DUSP28: variants seen among roughly 807,000 people sequenced by gnomAD.
DUSP28 encodes the protein dual specificity phosphatase 28.
In DUSP28, 11 loss-of-function variants were observed where a neutral mutation model predicts 8.4. The observed-to-expected ratio is 1.31, with a 90% CI of 0.83 to 2.17. The LOEUF (loss-of-function observed/expected upper bound fraction) is 2.17. Ranked by LOEUF, DUSP28 falls within the 30% of genes most tolerant of loss-of-function variation. The pLI is 0.00. For missense variants in DUSP28, 373 were observed against 270.4 expected (o/e 1.38, Z -2.66); for synonymous variants, 178 against 130.9 (o/e 1.36, Z -2.46).
In DUSP28 at chr2:240,561,597, A is replaced by T; in HGVS notation, c.*130A>T. On this transcript the variant is annotated 3_prime_UTR_variant, in exon 2 of 2. Transcript: ENST00000405954. ...GTGTGTGTGAAACATAGTGCTTTTAATTTTATATTTCCGGCTGAGGTGATG... is the reference window on the plus strand; with the variant it reads ...GTGTGTGTGAAACATAGTGCTTTTATTTTTATATTTCCGGCTGAGGTGATG... 8.2e-7 allele frequency: 1 copy of T among 1,220,534 alleles called. No homozygotes were observed. The highest frequency in any genetic ancestry group is 1.1e-6 in the Non-Finnish European group (1 of 926,060). The allele number at this position is 1,220,534 out of a possible 1,614,324, so 75.6% of individuals were successfully genotyped here.
chr2:240,564,476 C>G lies in DUSP28; in HGVS notation c.*3009C>G, dbSNP rs2092996260. On this transcript the variant is annotated 3_prime_UTR_variant, in exon 2 of 2. Transcript: ENST00000405954. Reference sequence around the variant, plus strand: ...GGGTCTGCGCATCAGACCACATGGACCCCTGCACCACCATCTGCTCCGTCC... The same window carrying G: ...GGGTCTGCGCATCAGACCACATGGAGCCCTGCACCACCATCTGCTCCGTCC... Among the ~76,000 whole-genome samples the G allele has an allele frequency of 6.6e-6, 1 of 152,254 alleles. No homozygotes were observed. The highest frequency in any genetic ancestry group is 2.1e-4 in the South Asian group (1 of 4,836).
Position 240,560,523 on chromosome 2 carries a change from G to A in DUSP28, c.-162G>A. Reference sequence around the variant, plus strand: ...CCCAAGCCCCCTGTCCCGGCCCAGCGCCCGCGGGGGACCCAAGCCCCAGCC... The same window carrying A: ...CCCAAGCCCCCTGTCCCGGCCCAGCACCCGCGGGGGACCCAAGCCCCAGCC... On this transcript the variant is annotated 5_prime_UTR_variant, in exon 1 of 2. Coordinates refer to ENST00000405954, the MANE Select transcript of DUSP28 (RefSeq NM_001370465.2). 9.0e-7 allele frequency: 1 copy of A among 1,106,678 alleles called. No homozygotes were observed. Among genetic ancestry groups the A allele is most frequent in the Non-Finnish European group, 1.2e-6 (1 of 858,002 alleles). 68.6% of individuals were successfully genotyped at this position (1,106,678 alleles called of 1,614,324 possible).
chr2:240,561,558 T>C lies in DUSP28; in HGVS notation c.*91T>C. Reference sequence around the variant, plus strand: ...CTTCTTCCTCACTGTCATATCGAGTTTTCCTTTGTGTGTGTGTGTGTGAAA... The same window carrying C: ...CTTCTTCCTCACTGTCATATCGAGTCTTCCTTTGTGTGTGTGTGTGTGAAA... On this transcript the variant is annotated 3_prime_UTR_variant, in exon 2 of 2. Coordinates refer to ENST00000405954, the MANE Select transcript of DUSP28 (RefSeq NM_001370465.2). 6.8e-7 allele frequency: 1 copy of C among 1,469,264 alleles called. No individual in the cohort carries two copies. Among genetic ancestry groups the C allele is most frequent in the South Asian group, 1.3e-5 (1 of 74,870 alleles). The allele number at this position is 1,469,264 out of a possible 1,614,324, so 91.0% of individuals were successfully genotyped here.
Position 240,560,509 on chromosome 2 carries a change from T to A in DUSP28, c.-176T>A, listed in dbSNP as rs1440750540. 1.0e-6 allele frequency: 1 copy of A among 1,001,778 alleles called. No individual in the cohort carries two copies. Among genetic ancestry groups the A allele is most frequent in the Non-Finnish European group, 1.3e-6 (1 of 762,062 alleles). The allele number at this position is 1,001,778 out of a possible 1,614,324, so 62.1% of individuals were successfully genotyped here. A position where few individuals can be genotyped will look rare whatever the true frequency, so the allele number is the denominator to read the frequency against. On this transcript the variant is annotated 5_prime_UTR_variant, in exon 1 of 2. Coordinates refer to ENST00000405954, the MANE Select transcript of DUSP28 (RefSeq NM_001370465.2). The stretch of plus-strand genomic sequence containing the variant: ...CGGCCCCAACGAGACCCAAGCCCCC[T>A]GTCCCGGCCCAGCGCCCGCGGGGGA...
rs2092926563 is a variant in DUSP28 at position 240,560,915 on chromosome 2, C to T, written c.231C>T (p.Asp77=). Residue 77 remains aspartate (D), a synonymous_variant, in exon 1 of 2, where the codon GAC becomes GAT. Transcript: ENST00000405954. ...RVPVFDDPAE[D]LLAHLEPTCA... ...CCGTGTTCGACGACCCGGCTGAGGA[C>T]CTGCTGGCGCACCTGGAGCCCACGT... 1.3e-6 allele frequency: 2 copies of T among 1,535,314 alleles called. No individual in the cohort carries two copies. The highest frequency in any genetic ancestry group is 4.0e-5 in the Admixed American group (2 of 50,134).
chr2:240,560,675 G>A lies in DUSP28; in HGVS notation c.-10G>A, dbSNP rs2092902488. On this transcript the variant is annotated 5_prime_UTR_variant, in exon 1 of 2. Coordinates refer to ENST00000405954, the MANE Select transcript of DUSP28 (RefSeq NM_001370465.2). Reference sequence around the variant, plus strand: ...CTCAGGGCCCAAAAGCAGACTCTTCGGCGGGCGCCATGGGACCGGCAGAAG... The same window carrying A: ...CTCAGGGCCCAAAAGCAGACTCTTCAGCGGGCGCCATGGGACCGGCAGAAG... 6.6e-7 allele frequency: 1 copy of A among 1,510,672 alleles called. No homozygotes were observed. Among genetic ancestry groups the A allele is most frequent in the East Asian group, 2.7e-5 (1 of 36,862 alleles). 93.6% of individuals were successfully genotyped at this position (1,510,672 alleles called of 1,614,324 possible).
Position 240,564,415 on chromosome 2 carries a change from C to G in DUSP28, c.*2948C>G, listed in dbSNP as rs1339406062. Among the ~76,000 whole-genome samples the G allele has an allele frequency of 6.6e-6, 1 of 152,246 alleles. No homozygotes were observed. The highest frequency in any genetic ancestry group is 1.5e-5 in the Non-Finnish European group (1 of 68,052). ...AGCCCCATCTTCCGGAAATGCAGCT[C>G]CAGAGGGTCTCTGTCCCCTCTTGCT... On this transcript the variant is annotated 3_prime_UTR_variant, in exon 2 of 2. Transcript: ENST00000405954.
rs1424492926 is a variant in DUSP28 at position 240,564,829 on chromosome 2, G to T, written c.*3362G>T. Among the ~76,000 whole-genome samples, 1 of 152,224 alleles carries T rather than the reference G, an allele frequency of 6.6e-6. No homozygotes were observed. The highest frequency in any genetic ancestry group is 1.5e-5 in the Non-Finnish European group (1 of 68,040). Reference sequence around the variant, plus strand: ...TGGGAAGCCCCTCCTGTGACAGGCAGGGGAGAAGGAGGCTGTGCTGACAGA... The same window carrying T: ...TGGGAAGCCCCTCCTGTGACAGGCATGGGAGAAGGAGGCTGTGCTGACAGA... On this transcript the variant is annotated 3_prime_UTR_variant, in exon 2 of 2. Transcript: ENST00000405954.
rs933196842 is a variant in DUSP28, at chr2:240,561,020, C to T, written c.336C>T (p.Ala112=). Reference sequence around the variant, plus strand: ...AGAACGGCCGCAGCCGCTCGGCCGCCGTCTGCACCGCGTACCTCATGCGGC... The same window carrying T: ...AGAACGGCCGCAGCCGCTCGGCCGCTGTCTGCACCGCGTACCTCATGCGGC... The part of the protein sequence containing the change: ...YCKNGRSRSA[A]VCTAYLMRHR... The change falls in exon 1 of 2, where the codon GCC becomes GCT. Residue 112 remains alanine (A), a synonymous_variant. Coordinates refer to ENST00000405954, the MANE Select transcript of DUSP28 (RefSeq NM_001370465.2). 5 of 1,536,636 alleles carry T rather than the reference C, an allele frequency of 3.3e-6. No individual in the cohort carries two copies. Among genetic ancestry groups the T allele is most frequent in the African/African-American group, 1.4e-5 (1 of 72,298 alleles).
chr2:240,561,950 T>A lies in DUSP28; in HGVS notation c.*483T>A, dbSNP rs1220706840. ...CGTGGGACATTTAGATCAAGAAAGC[T>A]GTTGATGAAGACATTGTTGAAGGGC... On this transcript the variant is annotated 3_prime_UTR_variant, in exon 2 of 2. Transcript: ENST00000405954. 6.5e-6 allele frequency: 1 copy of A among 153,806 alleles called. No individual in the cohort carries two copies. The highest frequency in any genetic ancestry group is 1.5e-5 in the Non-Finnish European group (1 of 68,834). 9.5% of individuals were successfully genotyped at this position (153,806 alleles called of 1,614,324 possible).
Position 240,561,029 on chromosome 2 carries a change from C to G in DUSP28, c.345C>G (p.Thr115=), listed in dbSNP as rs1417229730. The part of the protein sequence containing the change: ...NGRSRSAAVC[T]AYLMRHRGLS... ...GCAGCCGCTCGGCCGCCGTCTGCACCGCGTACCTCATGCGGCACCGCGGCC... is the reference window on the plus strand; with the variant it reads ...GCAGCCGCTCGGCCGCCGTCTGCACGGCGTACCTCATGCGGCACCGCGGCC... The change falls in exon 1 of 2, where the codon ACC becomes ACG. Residue 115 remains threonine, a synonymous_variant. Coordinates refer to ENST00000405954, the MANE Select transcript of DUSP28 (RefSeq NM_001370465.2). 2 of 1,534,220 alleles carry G rather than the reference C, an allele frequency of 1.3e-6. No individual in the cohort carries two copies. The highest frequency in any genetic ancestry group is 1.7e-6 in the Non-Finnish European group (2 of 1,151,692).
At chr2:240,561,167 C>G in intron 1 of DUSP28, 90 bp downstream of exon 1, 1 of 1,487,706 alleles carries the variant, frequency 6.7e-7, no homozygotes, top group Middle Eastern at 2.5e-4. Context: ...GGGATTGGGA[C>G]AGGCACTTCC....
Position 240,561,416 on chromosome 2 carries a change from G to C in DUSP28, c.480G>C (p.Gln160His), listed in dbSNP as rs1403256949. The change falls in exon 2 of 2, where the codon CAG becomes CAC. Residue 160 changes from glutamine (Q) to histidine (H), a missense_variant. By Grantham distance (24) the Gln-to-His change is conservative (BLOSUM62 0). Transcript: ENST00000405954. Reference sequence around the variant, plus strand: ...AGTATGAGGAGGCCCTCCAGGCCCAGTCCTGCCTGCAGGGAGAGCCCCCAG... The same window carrying C: ...AGTATGAGGAGGCCCTCCAGGCCCACTCCTGCCTGCAGGGAGAGCCCCCAG... ...LQKYEEALQAQSCLQGEPPAL... is the reference protein window; with the variant it reads ...LQKYEEALQAHSCLQGEPPAL... 6.2e-7 allele frequency: 1 copy of C among 1,613,646 alleles called. No homozygotes were observed. Among genetic ancestry groups the C allele is most frequent in the African/African-American group, 1.3e-5 (1 of 74,946 alleles).
chr2:240,561,083 C>A lies in DUSP28; in HGVS notation c.393+6C>A, dbSNP rs756146137. On this transcript the variant is annotated splice_donor_region_variant and intron_variant, in intron 1 of 1. Transcript: ENST00000405954. ...GCCTGGCGAAGGCCTTCCAGGTGGGCGGGCCTTTAGGGGGGCGGTGTTTCG... is the reference window on the plus strand; with the variant it reads ...GCCTGGCGAAGGCCTTCCAGGTGGGAGGGCCTTTAGGGGGGCGGTGTTTCG... The A allele has an allele frequency of 2.7e-6, 4 of 1,477,872 alleles. No individual in the cohort carries two copies. Among genetic ancestry groups the A allele is most frequent in the Non-Finnish European group, 3.6e-6 (4 of 1,123,590 alleles). The allele number at this position is 1,477,872 out of a possible 1,614,324, so 91.5% of individuals were successfully genotyped here. A position where few individuals can be genotyped will look rare whatever the true frequency, so the allele number is the denominator to read the frequency against.
rs1480968380 is a variant in DUSP28, at chr2:240,564,860, T to C, written c.*3393T>C. The stretch of plus-strand genomic sequence containing the variant: ...AAGGAGGCTGTGCTGACAGACGGCC[T>C]GGTGAGGGAACCCGGGAGGCCTCCA... On this transcript the variant is annotated 3_prime_UTR_variant, in exon 2 of 2. Coordinates refer to ENST00000405954, the MANE Select transcript of DUSP28 (RefSeq NM_001370465.2). 6.6e-6 allele frequency among the ~76,000 whole-genome samples: 1 copy of C among 152,206 alleles called. No individual in the cohort carries two copies.
In DUSP28 at chr2:240,560,950, T is replaced by A. The variant is rs1354648614; in HGVS notation, c.266T>A (p.Met89Lys). The A allele has an allele frequency of 6.5e-7, 1 of 1,527,492 alleles. No individual in the cohort carries two copies. The highest frequency in any genetic ancestry group is 1.2e-5 in the South Asian group (1 of 83,580). 94.6% of individuals were successfully genotyped at this position (1,527,492 alleles called of 1,614,324 possible). A position where few individuals can be genotyped will look rare whatever the true frequency, so the allele number is the denominator to read the frequency against. ...LAHLEPTCAA[M>K]EAAVRAGGAC... is the part of the protein sequence containing the mutation. ...CACCTGGAGCCCACGTGCGCCGCCATGGAGGCCGCGGTGCGCGCCGGCGGC... is the reference window on the plus strand; with the variant it reads ...CACCTGGAGCCCACGTGCGCCGCCAAGGAGGCCGCGGTGCGCGCCGGCGGC... Residue 89 changes from methionine (M) to lysine (K), a missense_variant, in exon 1 of 2, where the codon ATG (methionine) becomes AAG (lysine). By Grantham distance (95) the Met-to-Lys change is moderately conservative. Transcript: ENST00000405954.
chr2:240,560,530 G>A lies in DUSP28; in HGVS notation c.-155G>A. 3 of 1,148,742 alleles carry A rather than the reference G, an allele frequency of 2.6e-6. No homozygotes were observed. Among genetic ancestry groups the A allele is most frequent in the Non-Finnish European group, 3.4e-6 (3 of 895,004 alleles). 71.2% of individuals were successfully genotyped at this position (1,148,742 alleles called of 1,614,324 possible). A position where few individuals can be genotyped will look rare whatever the true frequency, so the allele number is the denominator to read the frequency against. On this transcript the variant is annotated 5_prime_UTR_variant, in exon 1 of 2. Coordinates refer to ENST00000405954, the MANE Select transcript of DUSP28 (RefSeq NM_001370465.2). ...CCCCTGTCCCGGCCCAGCGCCCGCG[G>A]GGGACCCAAGCCCCAGCCTGGTCCA...
chr2:240,560,571 G>C lies in DUSP28; in HGVS notation c.-114G>C. The C allele has an allele frequency of 7.6e-7, 1 of 1,313,252 alleles. No homozygotes were observed. The highest frequency in any genetic ancestry group is 9.7e-7 in the Non-Finnish European group (1 of 1,031,998). 81.3% of individuals were successfully genotyped at this position (1,313,252 alleles called of 1,614,324 possible). A position where few individuals can be genotyped will look rare whatever the true frequency, so the allele number is the denominator to read the frequency against. ...GCCTGGTCCACCTCGGAGGCCTCTA[G>C]GACCCGGGGGCGCCCGGCGGCCCGC... is the stretch of plus-strand genomic sequence containing the variant. On this transcript the variant is annotated 5_prime_UTR_variant, in exon 1 of 2. Coordinates refer to ENST00000405954, the MANE Select transcript of DUSP28 (RefSeq NM_001370465.2).
upstream of DUSP28, chr2:240,560,178 A>G (rs2092824101): frequency 6.5e-6 from 1 of 153,346 alleles, no homozygotes; most frequent in Non-Finnish European, 1.5e-5. Flanking sequence ...TAAAGCCGAC[A>G]ACGCAGTCAC....
Sources: gnomAD v4.1 joint callset for allele counts (sites outside exome capture counted in the v4.1 genomes callset) on GRCh38, gnomAD v4.1.1 for gene constraint, MANE v1.5 for transcripts, NCBI Gene and HGNC (gene_info 2026-07-23, HGNC 2026-07-21) for gene names.